The following ARID5B variants were observed in gnomAD, a reference collection of about 807,000 sequenced individuals.
ARID5B encodes the protein AT-rich interactive domain-containing protein 5B.
Under a neutral mutation model 97.2 loss-of-function variants are expected in ARID5B, and 13 were observed. The ratio of observed to expected loss-of-function variants is 0.13; its 90% CI spans 0.09 to 0.21. The LOEUF is 0.21. ARID5B is among the 10% of genes least tolerant of loss of function. The pLI is 1.00. For missense variants in ARID5B, 1,210 were observed against 1,465.3 expected, an observed-to-expected ratio of 0.83 and a Z score of 2.84; for synonymous variants, 556 against 570.3, an observed-to-expected ratio of 0.97 and a Z score of 0.36.
chr10:62,039,220 C>G (rs990214147), intron 4 of ARID5B, among the ~76,000 whole-genome samples: 5 of 152,170 alleles, frequency 3.3e-5, no homozygotes, highest in Admixed American at 2.0e-4. Context: ...CAGAGGTGTG[C>G]AGATTGCTTC....
At chr10:62,067,374 T>G (rs560082480) in intron 7 of ARID5B, among the ~76,000 whole-genome samples, 1 of 152,232 alleles carries the variant, frequency 6.6e-6, no homozygotes, top group Non-Finnish European at 1.5e-5. Flanking sequence ...TGAGCCACCA[T>G]GCCCGGCCAG....
chr10:61,992,200 A>G (rs1393480931), intron 3 of ARID5B, among the ~76,000 whole-genome samples: 1 of 152,170 alleles, frequency 6.6e-6, no homozygotes, highest in Non-Finnish European at 1.5e-5. Context: ...ATCCCTGTCT[A>G]GTGTGACATT....
intron 3 of ARID5B, among the ~76,000 whole-genome samples, chr10:61,971,957 A>T (rs1191013322): frequency 6.6e-6 from 1 of 152,186 alleles, no homozygotes; most frequent in Non-Finnish European, 1.5e-5. Flanking sequence ...TGAGCCATCC[A>T]ACGCTGAAGA....
chr10:62,002,052 C>T (rs1054128987), intron 4 of ARID5B, among the ~76,000 whole-genome samples: 3 of 152,132 alleles, frequency 2.0e-5, no homozygotes, highest in Admixed American at 2.0e-4. Flanking sequence ...TCTCTAAATT[C>T]CTGACACAGA....
At chr10:61,916,829 C>T (rs1159917969) in intron 2 of ARID5B, among the ~76,000 whole-genome samples, 2 of 152,180 alleles carry the variant, frequency 1.3e-5, no homozygotes, top group African/African-American at 4.8e-5. Context: ...TTAAAAGCCA[C>T]CTCCTCCTTG....
At chr10:61,902,657 A>C (rs1010101106) in intron 2 of ARID5B, among the ~76,000 whole-genome samples, 8 of 149,898 alleles carry the variant, frequency 5.3e-5, no homozygotes, top group Non-Finnish European at 7.4e-5. Flanking sequence ...TTGTTCGAGA[A>C]GGGTTTTGTT....
chr10:61,939,194 T>C (rs141277022), intron 2 of ARID5B, among the ~76,000 whole-genome samples: 2,534 of 152,268 alleles, frequency 0.017, 27 homozygotes, highest in Non-Finnish European at 0.026. Context: ...CCAAGCTTTC[T>C]TCAGAAATGT....
chr10:61,936,110 T>C (rs756406602), intron 2 of ARID5B, among the ~76,000 whole-genome samples: 6 of 152,238 alleles, frequency 3.9e-5, no homozygotes, highest in African/African-American at 7.2e-5. Context: ...ACCAATGATA[T>C]AACACATTGT....
intron 4 of ARID5B, among the ~76,000 whole-genome samples, chr10:62,037,427 T>C (rs1839580327): frequency 6.6e-6 from 1 of 152,226 alleles, no homozygotes; most frequent in South Asian, 2.1e-4. Flanking sequence ...CCTCACCATT[T>C]AGAGATGTTT....
chr10:62,024,990 C>T (rs573925270), intron 4 of ARID5B: 6 of 231,996 alleles, frequency 2.6e-5, no homozygotes, highest in South Asian at 1.8e-4. Context: ...AAGTATAATT[C>T]GTTTTCGTAG....
chr10:62,053,670 G>A (rs1013536699), intron 5 of ARID5B, among the ~76,000 whole-genome samples: 1 of 151,950 alleles, frequency 6.6e-6, no homozygotes, highest in African/African-American at 2.4e-5. Flanking sequence ...ATTGATAGAA[G>A]GCAAATTATT....
intron 3 of ARID5B, among the ~76,000 whole-genome samples, chr10:61,959,180 T>C (rs1222496235): frequency 6.6e-6 from 1 of 152,238 alleles, no homozygotes; most frequent in Non-Finnish European, 1.5e-5. Flanking sequence ...TGTCAACTTT[T>C]TGCCTAGTTA....
chr10:62,000,371 G>A lies in ARID5B; in HGVS notation c.733+50G>A. The A allele has an allele frequency of 6.7e-7, 1 of 1,482,196 alleles. No individual in the cohort carries two copies. Among genetic ancestry groups the A allele is most frequent in the Non-Finnish European group, 9.2e-7 (1 of 1,092,632 alleles). 91.8% of individuals were successfully genotyped at this position (1,482,196 alleles called of 1,614,324 possible). A position where few individuals can be genotyped will look rare whatever the true frequency, so the allele number is the denominator to read the frequency against. ...CCTGATTCTTGTGCGTGTGTGCCTA[G>A]TTGTTTTCAGTTCTTCTGAAGAGCG... On this transcript the variant is annotated intron_variant, in intron 4 of 9. Coordinates refer to ENST00000279873, the MANE Select transcript of ARID5B (RefSeq NM_032199.3). This position sits in a 1 kb window ranked among gnomAD's most constrained non-coding sequence, Gnocchi z 4.4.
intron 2 of ARID5B, among the ~76,000 whole-genome samples, chr10:61,916,686 A>T (rs1843911899): frequency 6.6e-6 from 1 of 152,178 alleles, no homozygotes; most frequent in African/African-American, 2.4e-5. Flanking sequence ...AATGCAGGTG[A>T]CAGAAACATT....
At chr10:61,957,516 G>T (rs897590924) in intron 3 of ARID5B, among the ~76,000 whole-genome samples, 1 of 152,174 alleles carries the variant, frequency 6.6e-6, no homozygotes, top group African/African-American at 2.4e-5. Flanking sequence ...TGATCCACCT[G>T]CCTTAGCCTC....
chr10:62,036,824 C>T (rs534979189), intron 4 of ARID5B, among the ~76,000 whole-genome samples: 3 of 152,276 alleles, frequency 2.0e-5, no homozygotes, highest in Admixed American at 1.3e-4. Flanking sequence ...TGACTCTGGG[C>T]GAGTGGCAGG....
intron 3 of ARID5B, among the ~76,000 whole-genome samples, chr10:61,980,590 A>G (rs1162768475): frequency 6.6e-6 from 1 of 152,232 alleles, no homozygotes; most frequent in Non-Finnish European, 1.5e-5. Flanking sequence ...TGCAAATGAA[A>G]TGAATTGTAT....
chr10:61,915,613 GTATCATCTA>G lies in ARID5B; in HGVS notation c.276+13201_276+13209del, dbSNP rs1843887887. On this transcript the variant is annotated intron_variant, in intron 2 of 9. Coordinates refer to ENST00000279873, the MANE Select transcript of ARID5B (RefSeq NM_032199.3). ...CCACTGGAGGGACCAGTTGGTCTAG[GTATCATCTA>G]GACACCTGGGGTGCATATTTAGAGC... 4.6e-5 allele frequency among the ~76,000 whole-genome samples: 7 copies of G among 152,224 alleles called. No homozygotes were observed. The South Asian group carries it at 6.2e-4, about 14-fold the overall frequency.
At chr10:61,941,727 T>C (rs1398577341) in intron 3 of ARID5B, among the ~76,000 whole-genome samples, 9 of 152,210 alleles carry the variant, frequency 5.9e-5, no homozygotes, top group Non-Finnish European at 1.5e-5. Context: ...ATCTTTTGGT[T>C]GATGTCAGAC....
Sources: allele counts gnomAD v4.1 joint callset (sites outside exome capture counted in the v4.1 genomes callset), GRCh38; gene constraint gnomAD v4.1.1; non-coding constraint Gnocchi (gnomAD v3.1); transcripts MANE v1.5; gene names NCBI Gene and HGNC (gene_info 2026-07-23, HGNC 2026-07-21).